FAM117A: variants seen among roughly 807,000 people sequenced by gnomAD.
FAM117A encodes the protein family with sequence similarity 117 member A, also known as protein FAM117A.
Under a neutral mutation model 44.1 loss-of-function variants are expected in FAM117A, and 21 were observed. The ratio of observed to expected loss-of-function variants is 0.48; its 90% CI spans 0.34 to 0.69. The LOEUF (loss-of-function observed/expected upper bound fraction) is 0.69. Ranked by LOEUF, FAM117A falls within the 30% of genes least tolerant of loss-of-function variation. The probability of loss-of-function intolerance (pLI) is 0.01; values close to 1 mark genes in which losing one functional copy is unlikely to be tolerated. For missense variants in FAM117A, 498 were observed against 589.9 expected, an observed-to-expected ratio of 0.84 and a Z score of 1.61; for synonymous variants, 220 against 238.3, an observed-to-expected ratio of 0.92 and a Z score of 0.71.
At chr17:49,754,179 C>A (rs1340189434) in intron 1 of FAM117A, among the ~76,000 whole-genome samples, 2 of 143,052 alleles carry the variant, frequency 1.4e-5, no homozygotes, top group East Asian at 2.4e-4. Flanking sequence ...AGAAGACAAT[C>A]CCCAAACAGG....
chr17:49,749,502 G>T (rs937474479), intron 1 of FAM117A, among the ~76,000 whole-genome samples: 1 of 125,248 alleles, frequency 8.0e-6, no homozygotes, highest in Admixed American at 7.7e-5. Flanking sequence ...GCCTGAATCT[G>T]GGAGGCAGAA....
chr17:49,774,160 G>A (rs1000549127), intron 1 of FAM117A, among the ~76,000 whole-genome samples: 6 of 152,094 alleles, frequency 3.9e-5, no homozygotes, highest in Middle Eastern at 6.8e-3. Flanking sequence ...TTTCTTTTTT[G>A]AGATAGTCTC....
intron 2 of FAM117A, among the ~76,000 whole-genome samples, chr17:49,729,056 T>G (rs936176059): frequency 6.6e-6 from 1 of 152,242 alleles, no homozygotes; most frequent in Non-Finnish European, 1.5e-5. Flanking sequence ...TAGGATGAGA[T>G]TGTTGGCACT....
intron 1 of FAM117A, among the ~76,000 whole-genome samples, chr17:49,763,244 C>A (rs554493870): frequency 1.3e-5 from 2 of 152,082 alleles, no homozygotes; most frequent in East Asian, 3.9e-4. Context: ...TTCTGGGACA[C>A]AGGGAGAAGA....
At chr17:49,783,474 C>T (rs971311596) in intron 1 of FAM117A, among the ~76,000 whole-genome samples, 3 of 151,886 alleles carry the variant, frequency 2.0e-5, no homozygotes, top group Non-Finnish European at 2.9e-5. Context: ...TATTTATATC[C>T]CCAGCTGCAG....
At chr17:49,736,260 CTTT>C (rs372494710) in intron 1 of FAM117A, among the ~76,000 whole-genome samples, 1 of 144,004 alleles carries the variant, frequency 6.9e-6, no homozygotes. Context: ...GGCTCTCTTT[CTTT>C]TTTTTTTTTT....
intron 1 of FAM117A, among the ~76,000 whole-genome samples, chr17:49,751,299 A>AAG (rs1362232193): frequency 2.7e-5 from 4 of 148,842 alleles, no homozygotes; most frequent in East Asian, 4.0e-4. Context: ...AAAAAAAAAA[A>AAG]GCCGGGCGCG....
At chr17:49,761,056 C>T (rs1436612204) in intron 1 of FAM117A, among the ~76,000 whole-genome samples, 1 of 152,182 alleles carries the variant, frequency 6.6e-6, no homozygotes, top group Non-Finnish European at 1.5e-5. Context: ...TACACCATAA[C>T]CCTTTTCACG....
intron 1 of FAM117A, among the ~76,000 whole-genome samples, chr17:49,780,180 G>A (rs187038747): frequency 2.7e-3 from 405 of 152,290 alleles, no homozygotes; most frequent in Non-Finnish European, 4.4e-3. Flanking sequence ...ATGTATAAAT[G>A]ACTCAGAGGA....
At position 49,716,169 on chromosome 17, in the gene FAM117A, C is replaced by T; in HGVS notation, c.1057G>A (p.Ala353Thr). The change falls in exon 7 of 8, where the codon GCC becomes ACC. Residue 353 changes from alanine to threonine, a missense_variant. By Grantham distance (58) the Ala-to-Thr change is moderately conservative. Around this residue, in one of 3 missense-constraint regions of FAM117A, gnomAD observed 224 missense variants for 296.5 expected, o/e 0.76. Coordinates refer to ENST00000240364, the MANE Select transcript of FAM117A (RefSeq NM_030802.4). ...CTGTCCACTTGGTGTACTCACGTGG[C>T]TTCTTCAAACACACGCACTTTCTCA... ...GCEKVRVFEE[A>T]TSPGPDLAFL... is the part of the protein sequence containing the mutation. 6.3e-7 allele frequency: 1 copy of T among 1,579,626 alleles called. No homozygotes were observed. Among genetic ancestry groups the T allele is most frequent in the Non-Finnish European group, 8.6e-7 (1 of 1,161,158 alleles).
At chr17:49,734,182 T>C (rs2143738364) in intron 1 of FAM117A, among the ~76,000 whole-genome samples, 1 of 151,946 alleles carries the variant, frequency 6.6e-6, no homozygotes, top group Non-Finnish European at 1.5e-5. Flanking sequence ...CTGTTGCATT[T>C]AAACAGAACA....
rs552624795 is a variant in FAM117A, at chr17:49,772,491, C to T, written c.-621+16006G>A. ...TGTTGGCCGGGCGCAGTGACTCACG[C>T]CTGTAATCTCAGCACTTTGGGAGGC... On this transcript the variant is annotated intron_variant, in intron 1 of 7. Transcript: ENST00000513602. 2.5e-3 allele frequency among the ~76,000 whole-genome samples: 373 copies of T among 152,064 alleles called. 5 individuals carry two copies. Among genetic ancestry groups the T allele is most frequent in the Non-Finnish European group, 8.4e-4 (57 of 67,994 alleles).
chr17:49,763,123 T>TACACACAC (rs10603200), intron 1 of FAM117A, among the ~76,000 whole-genome samples: 122 of 141,164 alleles, frequency 8.6e-4, no homozygotes, highest in Non-Finnish European at 1.1e-3. Context: ...TCCCCCCCGC[T>TACACACAC]ACACACACAC....
At chr17:49,767,671 G>A (rs570671893), upstream of FAM117A, among the ~76,000 whole-genome samples, 59 of 152,318 alleles carry the variant, frequency 3.9e-4, no homozygotes, top group African/African-American at 1.3e-3. Context: ...TTAGGAGGCC[G>A]AGGTGGGTGG....
intron 5 of FAM117A, chr17:49,719,528 C>T (rs934285155): frequency 2.4e-6 from 1 of 421,232 alleles, no homozygotes; most frequent in East Asian, 4.2e-5. Flanking sequence ...TCTGCCAATC[C>T]TTGCCCCCTG....
At chr17:49,721,802 G>A (rs1407844180) in intron 3 of FAM117A, among the ~76,000 whole-genome samples, 1 of 152,146 alleles carries the variant, frequency 6.6e-6, no homozygotes, top group Non-Finnish European at 1.5e-5. Flanking sequence ...TTGAAAATAA[G>A]GCTAGGGCTG....
At chr17:49,715,222 T>G (rs2073496659) in intron 7 of FAM117A, among the ~76,000 whole-genome samples, 1 of 152,148 alleles carries the variant, frequency 6.6e-6, no homozygotes, top group African/African-American at 2.4e-5. Context: ...ATAATAACAG[T>G]AACAAAACCT....
At chr17:49,748,069 T>G (rs975971956) in intron 1 of FAM117A, among the ~76,000 whole-genome samples, 1 of 152,220 alleles carries the variant, frequency 6.6e-6, no homozygotes, top group Non-Finnish European at 1.5e-5. Context: ...TGCTTCCAGA[T>G]GCAGAGGAGT....
intron 7 of FAM117A, among the ~76,000 whole-genome samples, chr17:49,714,168 G>C (rs1184114998): frequency 1.3e-5 from 2 of 152,188 alleles, no homozygotes; most frequent in Non-Finnish European, 2.9e-5. Context: ...GGAAAATCCA[G>C]ATGATCTTGG....
Sources: allele counts gnomAD v4.1 joint callset (sites outside exome capture counted in the v4.1 genomes callset), GRCh38; gene constraint gnomAD v4.1.1; regional missense constraint gnomAD v4.1.1; transcripts MANE v1.5; gene names NCBI Gene and HGNC (gene_info 2026-07-23, HGNC 2026-07-21).